The following CEP170B variants were observed in gnomAD, a reference collection of about 807,000 sequenced individuals.
CEP170B encodes the protein centrosomal protein of 170 kDa protein B.
In CEP170B, 55 loss-of-function variants were observed where a neutral mutation model predicts 120.6. The observed-to-expected ratio is 0.46, with a 90% CI of 0.37 to 0.57. The LOEUF is 0.57. Ranked by LOEUF, CEP170B falls within the 20% of genes least tolerant of loss-of-function variation. The pLI is 0.00. For synonymous variants in CEP170B, 1,033 were observed against 954.5 expected, an observed-to-expected ratio of 1.08 and a Z score of -1.52; for missense variants, 2,212 against 2,253.3, an observed-to-expected ratio of 0.98 and a Z score of 0.37.
At chr14:104,884,971 G>A (rs1424828627) in intron 9 of CEP170B, among the ~76,000 whole-genome samples, 1 of 124,758 alleles carries the variant, frequency 8.0e-6, no homozygotes, top group African/African-American at 3.0e-5. Context: ...GATGCCGGGG[G>A]TGGCGAGTGA....
At chr14:104,893,196 G>A in intron 14 of CEP170B, 61 bp downstream of exon 14, 3 of 1,534,656 alleles carry the variant, frequency 2.0e-6, no homozygotes, top group African/African-American at 2.8e-5. Context: ...GGTCAGGCCA[G>A]GTCCCCACAG....
At chr14:104,875,032 C>T (rs1895765253) in intron 2 of CEP170B, among the ~76,000 whole-genome samples, 2 of 152,228 alleles carry the variant, frequency 1.3e-5, no homozygotes, top group Admixed American at 1.3e-4. Flanking sequence ...AGCCCTTGCC[C>T]AGGGGTGCTG....
intron 13 of CEP170B, among the ~76,000 whole-genome samples, chr14:104,890,566 G>GTGGGTGGATGGA (rs1555394102): frequency 1.3e-5 from 1 of 78,076 alleles, no homozygotes; most frequent in African/African-American, 5.6e-5. Flanking sequence ...GGGTGGGTGG[G>GTGGGTGGATGGA]TGGATGGATG....
rs770049810 is a variant in CEP170B at position 104,893,613 on chromosome 14, G to A, written c.4129G>A (p.Asp1377Asn). Residue 1377 changes from aspartate (D) to asparagine (N), a missense_variant, in exon 15 of 19, where the codon GAC becomes AAC. Asp to Asn is a conservative substitution (Grantham distance 23, BLOSUM62 1). This residue lies in a region of CEP170B where 2,166 missense variants were observed against 2,166.7 expected (regional missense o/e 1.00). Transcript: ENST00000414716. ...TCGGGACTTTGACCAGAACATGAAC[G>A]ACAGCTGTGAGGACGCCCTGGCCAA... ...NSRDFDQNMNDSCEDALANKT... is the reference protein window; with the variant it reads ...NSRDFDQNMNNSCEDALANKT... 9.4e-6 allele frequency: 15 copies of A among 1,599,342 alleles called. No homozygotes were observed. Among genetic ancestry groups the A allele is most frequent in the Admixed American group, 3.4e-5 (2 of 58,108 alleles).
chr14:104,876,989 C>T (rs948806660), intron 3 of CEP170B, among the ~76,000 whole-genome samples: 2 of 152,180 alleles, frequency 1.3e-5, no homozygotes, highest in Non-Finnish European at 2.9e-5. Context: ...GTGTGTCTGT[C>T]CCTGAGGTCC....
Position 104,887,581 on chromosome 14 carries a change from C to T in CEP170B, c.3342C>T (p.Ser1114=). 1 of 1,589,850 alleles carries T rather than the reference C, an allele frequency of 6.3e-7. No homozygotes were observed. Among genetic ancestry groups the T allele is most frequent in the Non-Finnish European group, 8.5e-7 (1 of 1,169,602 alleles). ...KGPQALTRSN[S]LSTPRPTRAS... ...CGCAGGCCTTGACCCGCTCCAACAG[C>T]CTGTCCACCCCTCGCCCCACACGGG... The change falls in exon 12 of 19, where the codon AGC becomes AGT. Residue 1114 remains serine, a synonymous_variant. Transcript: ENST00000414716.
chr14:104,876,379 C>T (rs1895847335), intron 3 of CEP170B, 34 bp downstream of exon 3: 2 of 1,541,384 alleles, frequency 1.3e-6, no homozygotes, highest in Non-Finnish European at 8.8e-7. Flanking sequence ...GGCCTTTTAA[C>T]AGCTCGACCC....
intron 7 of CEP170B, 86 bp from the exon 8 acceptor site, chr14:104,882,949 T>G: frequency 4.8e-6 from 7 of 1,450,716 alleles, no homozygotes; most frequent in Non-Finnish European, 6.4e-6. Context: ...TCTCCCCCTC[T>G]TGGGTGGAGT....
At position 104,868,553 on chromosome 14, in the gene CEP170B, C is replaced by T; in HGVS notation, c.103C>T (p.Gln35Ter). The T allele has an allele frequency of 6.5e-7, 1 of 1,549,230 alleles. No individual in the cohort carries two copies. Among genetic ancestry groups the T allele is most frequent in the Non-Finnish European group, 8.7e-7 (1 of 1,146,754 alleles). Residue 35 changes from glutamine (Q) to a stop codon, truncating the protein, a stop_gained and splice_region_variant, in exon 2 of 19, where the codon CAG (glutamine) becomes TAG (stop). Transcript: ENST00000414716. LOFTEE classifies it high-confidence loss of function. The surrounding 1 kb of genome is among the most constrained non-coding windows in gnomAD (Gnocchi z 5.9). The part of the protein sequence containing the change: ...VGREECELML[Q>*]SRSVDKQHAV... The stretch of plus-strand genomic sequence containing the variant: ...GCGTGAGGAGTGTGAGCTCATGCTA[C>T]AGGTTTGCAGGGAGCGCTTGGGGCC...
Position 104,878,056 on chromosome 14 carries a change from C to T in CEP170B, c.274+93C>T, listed in dbSNP as rs2140663955. On this transcript the variant is annotated intron_variant, in intron 4 of 18. Transcript: ENST00000414716. ...TACTCCAGAAGCAGGGCTGTCACTG[C>T]TGGGGTTGCTGGGTAACAGAGCACC... 2.9e-6 allele frequency: 3 copies of T among 1,018,130 alleles called. No individual in the cohort carries two copies. In the Admixed American group the frequency reaches 6.2e-5, roughly 21 times the overall value. 63.1% of individuals were successfully genotyped at this position (1,018,130 alleles called of 1,614,324 possible).
In CEP170B at chr14:104,896,240, CCT is replaced by C. The variant is rs1459744160; in HGVS notation, c.*1283_*1284del. 2.3e-5 allele frequency: 6 copies of C among 257,232 alleles called. No homozygotes were observed. The highest frequency in any genetic ancestry group is 6.7e-5 in the African/African-American group (3 of 44,712). 15.9% of individuals were successfully genotyped at this position (257,232 alleles called of 1,614,324 possible). The stretch of plus-strand genomic sequence containing the variant: ...GGCTGGAAGCGGGTGGTGTGTGTCC[CCT>C]GTTTACTTTTAGCTGAGCTGGGGTT... On this transcript the variant is annotated 3_prime_UTR_variant, in exon 19 of 19. Transcript: ENST00000414716.
At chr14:104,869,381 C>T (rs1377896480) in intron 2 of CEP170B, among the ~76,000 whole-genome samples, 1 of 152,176 alleles carries the variant, frequency 6.6e-6, no homozygotes, top group Admixed American at 6.5e-5. Flanking sequence ...TCAGACGTTG[C>T]CTCCTGGATG....
At position 104,894,941 on chromosome 14, in the gene CEP170B, G is replaced by T. The variant is rs759163345; in HGVS notation, c.4648G>T (p.Glu1550Ter). 1 of 1,588,642 alleles carries T rather than the reference G, an allele frequency of 6.3e-7. No homozygotes were observed. The highest frequency in any genetic ancestry group is 1.1e-5 in the South Asian group (1 of 88,056). Reference sequence around the variant, plus strand: ...GGACCCCACCTTCCTCCCTGATGCCGAGAGGTTCCTGATCTAGGCCCCAGA... The same window carrying T: ...GGACCCCACCTTCCTCCCTGATGCCTAGAGGTTCCTGATCTAGGCCCCAGA... The part of the protein sequence containing the change: ...LPDPTFLPDA[E>*]RFLI The change falls in exon 19 of 19, where the codon GAG (glutamate) becomes TAG (stop). Residue 1550 changes from glutamate to a stop codon, truncating the protein, a stop_gained. Coordinates refer to ENST00000414716, the MANE Select transcript of CEP170B (RefSeq NM_001112726.3). LOFTEE classifies it high-confidence loss of function.
Position 104,872,169 on chromosome 14 carries a change from G to C in CEP170B, c.105+3614G>C, listed in dbSNP as rs541837325. On this transcript the variant is annotated intron_variant, in intron 2 of 18. Transcript: ENST00000414716. ...CCGTGTGTGTGCGTGTGTGCCGCGT[G>C]TGTGTGCGTGTGTGTGCTGTGTGTG... is the stretch of plus-strand genomic sequence containing the variant. 2.9e-3 allele frequency among the ~76,000 whole-genome samples: 429 copies of C among 149,208 alleles called. 1 individual carries two copies. Among genetic ancestry groups the C allele is most frequent in the African/African-American group, 9.6e-3 (390 of 40,470 alleles).
intron 4 of CEP170B, 143 bp from the exon 5 acceptor site, chr14:104,878,300 T>C (rs1021702097): frequency 2.5e-6 from 2 of 808,256 alleles, no homozygotes; most frequent in African/African-American, 3.3e-5. Context: ...TGGGTGGGCA[T>C]GGCTGTGCCT....
In CEP170B at chr14:104,868,523, G is replaced by C. The variant is rs1394161717; in HGVS notation, c.73G>C (p.Val25Leu). Reference protein sequence around the residue: ...RHRLPRELIFVGREECELMLQ... With the variant: ...RHRLPRELIFLGREECELMLQ... ...CCGGCTCCCTCGGGAGCTCATCTTC[G>C]TGGGGCGTGAGGAGTGTGAGCTCAT... The change falls in exon 2 of 19, where the codon GTG becomes CTG. Residue 25 changes from valine to leucine, a missense_variant. By Grantham distance (32) the Val-to-Leu change is conservative. Coordinates refer to ENST00000414716, the MANE Select transcript of CEP170B (RefSeq NM_001112726.3). This position sits in a 1 kb window ranked among gnomAD's most constrained non-coding sequence, Gnocchi z 5.9. 1.9e-6 allele frequency: 3 copies of C among 1,549,836 alleles called. No homozygotes were observed. Among genetic ancestry groups the C allele is most frequent in the Non-Finnish European group, 2.6e-6 (3 of 1,146,918 alleles).
chr14:104,893,186 G>T (rs1285089416), intron 14 of CEP170B, 51 bp downstream of exon 14: 1 of 1,553,062 alleles, frequency 6.4e-7, no homozygotes, highest in Non-Finnish European at 8.7e-7. Context: ...CCTCGAGGAG[G>T]GTCAGGCCAG....
chr14:104,892,119 G>T (rs1461422571), intron 13 of CEP170B, among the ~76,000 whole-genome samples: 2 of 152,140 alleles, frequency 1.3e-5, no homozygotes, highest in Non-Finnish European at 2.9e-5. Context: ...CCATGAGGAT[G>T]GGTGGTTGGC....
chr14:104,887,097 A>T lies in CEP170B; in HGVS notation c.2858A>T (p.Asp953Val). 1 of 1,611,080 alleles carries T rather than the reference A, an allele frequency of 6.2e-7. No homozygotes were observed. The highest frequency in any genetic ancestry group is 1.6e-4 in the Middle Eastern group (1 of 6,062). ...PRPPEDALSG[D>V]SDVDTASTVS... The stretch of plus-strand genomic sequence containing the variant: ...CCGCCGGAGGACGCCCTGTCTGGGG[A>T]CTCGGACGTGGACACAGCCAGCACC... Residue 953 changes from aspartate (D) to valine (V), a missense_variant, in exon 12 of 19, where the codon GAC becomes GTC. Asp to Val is a radical substitution (Grantham distance 152). Transcript: ENST00000414716.
Sources: allele counts gnomAD v4.1 joint callset (sites outside exome capture counted in the v4.1 genomes callset), GRCh38; gene constraint gnomAD v4.1.1; regional missense constraint gnomAD v4.1.1; non-coding constraint Gnocchi (gnomAD v3.1); transcripts MANE v1.5; gene names NCBI Gene and HGNC (gene_info 2026-07-23, HGNC 2026-07-21).